CNTNAP2: variants seen among roughly 807,000 people sequenced by gnomAD.
The protein encoded by CNTNAP2 is contactin-associated protein-like 2.
In CNTNAP2, 98 loss-of-function variants were observed where a neutral mutation model predicts 155.2. The ratio of observed to expected loss-of-function variants is 0.63; its 90% CI spans 0.54 to 0.75. The LOEUF (loss-of-function observed/expected upper bound fraction) is 0.75. Ranked by LOEUF, CNTNAP2 falls within the 30% of genes least tolerant of loss-of-function variation. CNTNAP2 has a pLI of 0.00. For missense variants in CNTNAP2, 1,727 were observed against 1,688.1 expected (o/e 1.02, Z -0.40); for synonymous variants, 651 against 631.2 (o/e 1.03, Z -0.47).
chr7:147,805,726 T>A (rs113218966), intron 13 of CNTNAP2, among the ~76,000 whole-genome samples: 4,953 of 152,350 alleles, frequency 0.033, 135 homozygotes, highest in Non-Finnish European at 0.051. Flanking sequence ...GATGTATCAC[T>A]TTTACTGATT....
At chr7:146,216,719 G>A (rs561337290) in intron 1 of CNTNAP2, among the ~76,000 whole-genome samples, 67 of 152,224 alleles carry the variant, frequency 4.4e-4, no homozygotes, top group African/African-American at 1.5e-3. Context: ...AAACTGCCTC[G>A]CACTCTGGAG....
rs892036632 is a variant in CNTNAP2 at position 146,891,321 on chromosome 7, G to A, written c.402+51417G>A. ...TACTGTGATCACTATCTGGGTGATA[G>A]GATCATTTGTACCCCCAACTTCAGT... On this transcript the variant is annotated intron_variant, in intron 3 of 23. Coordinates refer to ENST00000361727, the MANE Select transcript of CNTNAP2 (RefSeq NM_014141.6). Among the ~76,000 whole-genome samples, 3 of 152,106 alleles carry A rather than the reference G, an allele frequency of 2.0e-5. No individual in the cohort carries two copies. The South Asian group carries it at 6.2e-4, about 32-fold the overall frequency.
At chr7:147,974,714 G>C (rs929834949) in intron 14 of CNTNAP2, among the ~76,000 whole-genome samples, 1 of 152,070 alleles carries the variant, frequency 6.6e-6, no homozygotes, top group African/African-American at 2.4e-5. Context: ...ATACATCCCT[G>C]GTAGAAATGT....
At chr7:147,361,713 T>G (rs1410985890) in intron 9 of CNTNAP2, among the ~76,000 whole-genome samples, 1 of 152,178 alleles carries the variant, frequency 6.6e-6, no homozygotes, top group African/African-American at 2.4e-5. Context: ...GAATTTTGTC[T>G]GTTTTTTTTA....
chr7:147,341,300 C>A (rs1298895888), intron 9 of CNTNAP2, among the ~76,000 whole-genome samples: 7 of 151,768 alleles, frequency 4.6e-5, no homozygotes, highest in Non-Finnish European at 1.0e-4. Context: ...CGGTGGAGGG[C>A]TGGGGGAGGA....
At chr7:147,874,151 G>T (rs1799381955) in intron 13 of CNTNAP2, among the ~76,000 whole-genome samples, 1 of 152,038 alleles carries the variant, frequency 6.6e-6, no homozygotes, top group Non-Finnish European at 1.5e-5. Context: ...GCTCTCAGTG[G>T]ATCTACCATT....
intron 14 of CNTNAP2, among the ~76,000 whole-genome samples, chr7:147,934,613 A>G (rs992814621): frequency 4.6e-5 from 7 of 152,240 alleles, no homozygotes; most frequent in Admixed American, 1.3e-4. Context: ...AAAGAATCTG[A>G]GAGCCTATAC....
chr7:146,307,626 A>G (rs1800739076), intron 1 of CNTNAP2, among the ~76,000 whole-genome samples: 1 of 152,180 alleles, frequency 6.6e-6, no homozygotes, highest in Non-Finnish European at 1.5e-5. Flanking sequence ...TGGTACCAAA[A>G]CAGAGATACA....
chr7:147,677,192 T>C (rs1795883137), intron 13 of CNTNAP2, among the ~76,000 whole-genome samples: 1 of 151,934 alleles, frequency 6.6e-6, no homozygotes, highest in South Asian at 2.1e-4. Context: ...TTTTGTCTTT[T>C]TGACGTTCTG....
intron 1 of CNTNAP2, among the ~76,000 whole-genome samples, chr7:146,246,354 G>A (rs183236602): frequency 0.035 from 5,296 of 150,470 alleles, 222 homozygotes; most frequent in African/African-American, 0.1. Context: ...AAAGTGTCTC[G>A]GCCTAATAAG....
At chr7:146,148,355 T>C (rs2116769930) in intron 1 of CNTNAP2, among the ~76,000 whole-genome samples, 1 of 152,250 alleles carries the variant, frequency 6.6e-6, no homozygotes, top group East Asian at 1.9e-4. Context: ...AACTCTTCAT[T>C]ACTCATAACA....
intron 1 of CNTNAP2, among the ~76,000 whole-genome samples, chr7:146,738,146 G>A (rs78005321): frequency 0.028 from 4,221 of 151,990 alleles, 69 homozygotes; most frequent in African/African-American, 0.039. Context: ...GTGTGCATGG[G>A]TTCTTTTTCT....
intron 1 of CNTNAP2, among the ~76,000 whole-genome samples, chr7:146,674,686 G>A (rs1386325818): frequency 1.3e-5 from 2 of 152,118 alleles, no homozygotes; most frequent in African/African-American, 4.8e-5. Flanking sequence ...TTGGACCCGG[G>A]CCCTGTATCC....
intron 1 of CNTNAP2, among the ~76,000 whole-genome samples, chr7:146,476,554 G>T (rs1401730368): frequency 6.6e-6 from 1 of 152,072 alleles, no homozygotes; most frequent in East Asian, 1.9e-4. Flanking sequence ...GCTATGAATT[G>T]AACGTAGAGT....
chr7:146,760,427 T>TTTTTTTTTTTTTTTTTTTG, intron 1 of CNTNAP2, among the ~76,000 whole-genome samples: 1 of 112,758 alleles, frequency 8.9e-6, no homozygotes, highest in African/African-American at 3.3e-5. Flanking sequence ...TTTTTTTTTT[T>TTTTTTTTTTTTTTTTTTTG]TTTTTTTTTT....
chr7:146,862,696 T>A (rs1795127186), intron 3 of CNTNAP2, among the ~76,000 whole-genome samples: 1 of 152,238 alleles, frequency 6.6e-6, no homozygotes, highest in Non-Finnish European at 1.5e-5. Flanking sequence ...TTTCATTTTT[T>A]ATCTGAGTTT....
intron 11 of CNTNAP2, among the ~76,000 whole-genome samples, chr7:147,487,293 A>T: frequency 6.6e-6 from 1 of 152,236 alleles, no homozygotes; most frequent in East Asian, 1.9e-4. Flanking sequence ...TACTAGATTC[A>T]TTATCTGTGT....
intron 11 of CNTNAP2, among the ~76,000 whole-genome samples, chr7:147,509,748 G>C (rs1798982448): frequency 1.3e-5 from 2 of 152,062 alleles, no homozygotes; most frequent in South Asian, 2.1e-4. Context: ...TGCTTGTAAA[G>C]TTAGTCTTTG....
At chr7:147,917,311 T>A (rs1318156705) in intron 14 of CNTNAP2, among the ~76,000 whole-genome samples, 1 of 152,208 alleles carries the variant, frequency 6.6e-6, no homozygotes, top group African/African-American at 2.4e-5. Context: ...AAACCATTGA[T>A]ATAGGGCTAG....
Sources: gnomAD v4.1 joint callset for allele counts (sites outside exome capture counted in the v4.1 genomes callset) on GRCh38, gnomAD v4.1.1 for gene constraint, MANE v1.5 for transcripts, NCBI Gene and HGNC (gene_info 2026-07-23, HGNC 2026-07-21) for gene names.